The following LAD1 variants were observed in gnomAD, a reference collection of about 807,000 sequenced individuals.
LAD1 encodes the protein ladinin-1.
LAD1 carries 53 observed loss-of-function variants against 54.2 expected under a neutral mutation model. That is an observed-to-expected ratio of 0.98 (90% confidence interval 0.78 to 1.23). LAD1 has a LOEUF of 1.23. Among genes scored for constraint, LAD1 ranks in the 50% most tolerant of loss-of-function variants. The pLI is 0.00. For missense variants in LAD1, 637 were observed against 653.3 expected (o/e 0.98, Z 0.27); for synonymous variants, 231 against 257.7 (o/e 0.90, Z 0.99).
intron 7 of LAD1, 39 bp from the exon 8 acceptor site, chr1:201,382,778 T>G: frequency 5.9e-5 from 83 of 1,404,604 alleles, no homozygotes; most frequent in Non-Finnish European, 7.4e-5. Context: ...TTAGGGCCCT[T>G]GGCAGCAGCG....
chr1:201,389,122 C>G lies in LAD1; in HGVS notation c.182+38G>C. ...CTGCACTTAGTCTGAGGCAACCAGT[C>G]CATCCCCATCCATCAGGATAGAAAC... is the stretch of plus-strand genomic sequence containing the variant. On this transcript the variant is annotated intron_variant, in intron 2 of 9. Transcript: ENST00000391967. 8 of 1,602,230 alleles carry G rather than the reference C, an allele frequency of 5.0e-6. No individual in the cohort carries two copies. In the South Asian group the frequency reaches 8.9e-5, roughly 18 times the overall value.
chr1:201,394,581 T>A (rs1325763739), intron 1 of LAD1, among the ~76,000 whole-genome samples: 4 of 152,242 alleles, frequency 2.6e-5, no homozygotes, highest in African/African-American at 9.6e-5. Context: ...TGAACATTCA[T>A]CATTCATTCA....
At chr1:201,394,488 C>G (rs1177413356) in intron 1 of LAD1, among the ~76,000 whole-genome samples, 1 of 152,208 alleles carries the variant, frequency 6.6e-6, no homozygotes, top group Non-Finnish European at 1.5e-5. Context: ...TCAAACTATC[C>G]CCCTATGGCC....
intron 1 of LAD1, among the ~76,000 whole-genome samples, chr1:201,395,144 A>T (rs899899318): frequency 2.0e-5 from 3 of 151,978 alleles, no homozygotes; most frequent in Admixed American, 1.3e-4. Flanking sequence ...GCTGCCTTCA[A>T]CCCTGACACC....
At chr1:201,399,244 C>T in intron 1 of LAD1, 25 bp downstream of exon 1, 2 of 1,541,262 alleles carry the variant, frequency 1.3e-6, no homozygotes, top group Non-Finnish European at 1.7e-6. Flanking sequence ...ACCCCCCGCC[C>T]CTCCCGGCTC....
At position 201,385,133 on chromosome 1, in the gene LAD1, T is replaced by A. The variant is rs1194908867; in HGVS notation, c.1132-298A>T. ...TATCTGCCTCCCACTGCCCATGAGC[T>A]CTGTGGGGGCACCAGTCGCTATTGG... On this transcript the variant is annotated intron_variant, in intron 4 of 9. Transcript: ENST00000391967. Among the ~76,000 whole-genome samples, 15 of 152,170 alleles carry A rather than the reference T, an allele frequency of 9.9e-5. 1 individual carries two copies. The highest frequency in any genetic ancestry group is 1.5e-5 in the Non-Finnish European group (1 of 68,030).
rs1444396885 is a variant in LAD1 at position 201,383,209 on chromosome 1, T to A, written c.1251A>T (p.Arg417Ser). ...GACCCCGAGACTTGACAGATTCTGA[T>A]CTCTGGGAACCAAGAACACCAACAG... is the stretch of plus-strand genomic sequence containing the variant. ...KLERYHTAIR[R>S]SESVKSRGLP... Residue 417 changes from arginine to serine, a missense_variant and splice_region_variant, in exon 7 of 10, where the codon AGA becomes AGT. Physicochemically the swap from Arg to Ser is moderately radical, Grantham distance 110. Coordinates refer to ENST00000391967, the MANE Select transcript of LAD1 (RefSeq NM_005558.4). 1 of 1,613,552 alleles carries A rather than the reference T, an allele frequency of 6.2e-7. No individual in the cohort carries two copies. The highest frequency in any genetic ancestry group is 1.7e-5 in the Admixed American group (1 of 59,986).
chr1:201,387,947 A>G (rs1662128248), intron 2 of LAD1, among the ~76,000 whole-genome samples: 3 of 152,142 alleles, frequency 2.0e-5, no homozygotes, highest in Admixed American at 2.0e-4. Flanking sequence ...TCACATCTAC[A>G]AACTGGGCTT....
In LAD1 at chr1:201,389,250, C is replaced by G; in HGVS notation, c.92G>C (p.Arg31Thr). The change falls in exon 2 of 10, where the codon AGG becomes ACG. Residue 31 changes from arginine to threonine, a missense_variant. Coordinates refer to ENST00000391967, the MANE Select transcript of LAD1 (RefSeq NM_005558.4). ...GGAGCTCAGGTTGCGGTGCCGCCGCCTGCGCTCGCGCTCCTGTTCCTCCTC... is the reference window on the plus strand; with the variant it reads ...GGAGCTCAGGTTGCGGTGCCGCCGCGTGCGCTCGCGCTCCTGTTCCTCCTC... ...EDEEEQERER[R>T]RRHRNLSSTT... 1.9e-6 allele frequency: 3 copies of G among 1,614,074 alleles called. No homozygotes were observed. The highest frequency in any genetic ancestry group is 2.5e-6 in the Non-Finnish European group (3 of 1,180,006).
At chr1:201,394,356 TGGA>T (rs1662250475) in intron 1 of LAD1, among the ~76,000 whole-genome samples, 1 of 152,190 alleles carries the variant, frequency 6.6e-6, no homozygotes, top group African/African-American at 2.4e-5. Context: ...GAAGTGCCTT[TGGA>T]GGAGAACCTT....
chr1:201,384,654 T>C (rs760125733), intron 5 of LAD1, 138 bp downstream of exon 5: 89 of 822,354 alleles, frequency 1.1e-4, no homozygotes, highest in Non-Finnish European at 1.8e-4. Flanking sequence ...CTGCCAGATC[T>C]GGAGCCCTGG....
chr1:201,382,370 C>T (rs1354519867), intron 8 of LAD1, 44 bp from the exon 9 acceptor site: 1 of 1,465,316 alleles, frequency 6.8e-7, no homozygotes, highest in Non-Finnish European at 9.6e-7. Flanking sequence ...TAAGACCAGG[C>T]TCCAAAGGGC....
intron 1 of LAD1, among the ~76,000 whole-genome samples, chr1:201,390,198 C>T (rs1662174467): frequency 6.6e-6 from 1 of 151,528 alleles, no homozygotes; most frequent in South Asian, 2.1e-4. Flanking sequence ...GGATTACAGG[C>T]ATGAGCCACT....
chr1:201,387,331 G>A (rs550481230), intron 2 of LAD1, among the ~76,000 whole-genome samples, 153 bp from the exon 3 acceptor site: 105 of 152,022 alleles, frequency 6.9e-4, no homozygotes, highest in African/African-American at 2.4e-3. Context: ...TTATCCACTC[G>A]ATATATTGCA....
Position 201,389,266 on chromosome 1 carries a change from G to C in LAD1, c.76C>G (p.Gln26Glu). 6.2e-7 allele frequency: 1 copy of C among 1,613,910 alleles called. No individual in the cohort carries two copies. ...RQRTLEDEEEQERERRRRHRN... is the reference protein window; with the variant it reads ...RQRTLEDEEEEERERRRRHRN... ...TGCCGCCGCCTGCGCTCGCGCTCCT[G>C]TTCCTCCTCATCCTCCAGAGTCCTC... The change falls in exon 2 of 10, where the codon CAG (glutamine) becomes GAG (glutamate). Residue 26 changes from glutamine to glutamate, a missense_variant. Transcript: ENST00000391967.
chr1:201,389,318 G>C lies in LAD1; in HGVS notation c.39-15C>G. The C allele has an allele frequency of 6.2e-7, 1 of 1,608,180 alleles. No homozygotes were observed. Among genetic ancestry groups the C allele is most frequent in the Non-Finnish European group, 8.5e-7 (1 of 1,179,026 alleles). ...GCCGGGCAAGGCTGGGGGAGGGGAG[G>C]AGAGGGTCAGCACAGCTGGGGAAAC... On this transcript the variant is annotated splice_polypyrimidine_tract_variant and intron_variant, in intron 1 of 9. Coordinates refer to ENST00000391967, the MANE Select transcript of LAD1 (RefSeq NM_005558.4).
chr1:201,393,953 G>A lies in LAD1; in HGVS notation c.39-4650C>T, dbSNP rs528215269. Among the ~76,000 whole-genome samples, 3 of 147,694 alleles carry A rather than the reference G, an allele frequency of 2.0e-5. No homozygotes were observed. The East Asian group carries it at 6.1e-4, about 30-fold the overall frequency. ...TGGCTGGGCATGGTGGCTCACGCCTGTAATCCCAGCACTTTGGGAGGCCAA... is the reference window on the plus strand; with the variant it reads ...TGGCTGGGCATGGTGGCTCACGCCTATAATCCCAGCACTTTGGGAGGCCAA... On this transcript the variant is annotated intron_variant, in intron 1 of 9. Transcript: ENST00000391967.
At chr1:201,382,543 ACTC>A (rs1456133630) in intron 8 of LAD1, 107 bp downstream of exon 8, 7 of 924,412 alleles carry the variant, frequency 7.6e-6, no homozygotes, top group African/African-American at 1.7e-5. Context: ...TCCCGAAATG[ACTC>A]CTCCTCTCCC....
At chr1:201,391,028 G>A in intron 1 of LAD1, 1 of 448,588 alleles carries the variant, frequency 2.2e-6, no homozygotes, top group South Asian at 1.6e-5. Flanking sequence ...AATTCCCCAT[G>A]GAATTTCTTA....
Sources: allele counts gnomAD v4.1 joint callset (sites outside exome capture counted in the v4.1 genomes callset), GRCh38; gene constraint gnomAD v4.1.1; transcripts MANE v1.5; gene names NCBI Gene and HGNC (gene_info 2026-07-23, HGNC 2026-07-21).